Variants in ARHGAP19 observed in about 807,000 individuals in gnomAD.
ARHGAP19 encodes Rho GTPase activating protein 19.
Under a neutral mutation model 60.9 loss-of-function variants are expected in ARHGAP19, and 48 were observed. The observed-to-expected ratio is 0.79, with a 90% confidence interval of 0.62 to 1.00. ARHGAP19 has a LOEUF of 1.00. Ranked by LOEUF, ARHGAP19 falls within the 50% of genes least tolerant of loss-of-function variation. ARHGAP19 has a pLI of 0.00. For missense variants in ARHGAP19, 562 were observed against 597.2 expected, an observed-to-expected ratio of 0.94 and a Z score of 0.61; for synonymous variants, 209 against 215.5, an observed-to-expected ratio of 0.97 and a Z score of 0.27.
At chr10:97,268,541 G>A (rs1242741522) in intron 1 of ARHGAP19, among the ~76,000 whole-genome samples, 2 of 152,166 alleles carry the variant, frequency 1.3e-5, no homozygotes, top group African/African-American at 4.8e-5. Flanking sequence ...AGGTTTAATG[G>A]ACTCACAGTT....
At position 97,265,859 on chromosome 10, in the gene ARHGAP19, C is replaced by A; in HGVS notation, c.322+1G>T. The A allele has an allele frequency of 6.2e-7, 1 of 1,614,074 alleles. No individual in the cohort carries two copies. Among genetic ancestry groups the A allele is most frequent in the African/African-American group, 1.3e-5 (1 of 75,024 alleles). On this transcript the variant is annotated splice_donor_variant, in intron 2 of 11. Transcript: ENST00000358531. LOFTEE classifies it high-confidence loss of function. ...CCACCCTTCACAAACACATCTCCTACCCTTTCGCTTGAGAGACATGAGAGA... is the reference window on the plus strand; with the variant it reads ...CCACCCTTCACAAACACATCTCCTAACCTTTCGCTTGAGAGACATGAGAGA...
intron 1 of ARHGAP19, among the ~76,000 whole-genome samples, chr10:97,271,706 A>T (rs1333082207): frequency 6.6e-6 from 1 of 152,104 alleles, no homozygotes; most frequent in Non-Finnish European, 1.5e-5. Flanking sequence ...TTTTAGACAG[A>T]GTCTCACTCT....
chr10:97,237,761 C>T (rs778204090), intron 8 of ARHGAP19, among the ~76,000 whole-genome samples: 14 of 151,926 alleles, frequency 9.2e-5, no homozygotes, highest in Non-Finnish European at 1.9e-4. Flanking sequence ...ATCCCAGCTA[C>T]TCGGGAGGCT....
intron 1 of ARHGAP19, among the ~76,000 whole-genome samples, chr10:97,272,131 C>T (rs200174816): frequency 1.3e-3 from 114 of 85,590 alleles, no homozygotes; most frequent in African/African-American, 2.1e-3. Context: ...GGAAATATGT[C>T]TTTTTTTTTT....
At chr10:97,284,965 G>A (rs1028717656) in intron 1 of ARHGAP19, among the ~76,000 whole-genome samples, 1 of 149,832 alleles carries the variant, frequency 6.7e-6, no homozygotes, top group Non-Finnish European at 1.5e-5. Flanking sequence ...CCAGGTTCAA[G>A]CGATTCTCCT....
intron 11 of ARHGAP19, among the ~76,000 whole-genome samples, chr10:97,227,011 G>A (rs1274782459): frequency 6.6e-6 from 1 of 152,208 alleles, no homozygotes; most frequent in Non-Finnish European, 1.5e-5. Flanking sequence ...GGGGAAGGAT[G>A]CTCCCAGCAT....
At chr10:97,282,078 G>A (rs1195843854) in intron 1 of ARHGAP19, among the ~76,000 whole-genome samples, 2 of 152,092 alleles carry the variant, frequency 1.3e-5, no homozygotes, top group African/African-American at 2.4e-5. Context: ...TTTCCTTTAA[G>A]CAATAAACCT....
chr10:97,252,028 A>G (rs913050330), intron 6 of ARHGAP19, among the ~76,000 whole-genome samples: 2 of 152,006 alleles, frequency 1.3e-5, no homozygotes, highest in Non-Finnish European at 2.9e-5. Context: ...CTGTATATAC[A>G]TTGTAAATCT....
At chr10:97,273,120 G>A (rs10466168) in intron 1 of ARHGAP19, among the ~76,000 whole-genome samples, 3,037 of 152,058 alleles carry the variant, frequency 0.02, 102 homozygotes, top group African/African-American at 0.065. Context: ...GATTACAGGC[G>A]TGAGCCACAG....
chr10:97,260,102 T>C (rs1842809717), intron 4 of ARHGAP19, among the ~76,000 whole-genome samples: 2 of 151,200 alleles, frequency 1.3e-5, no homozygotes, highest in Non-Finnish European at 2.9e-5. Context: ...CCCAAAGTGC[T>C]GGGATTACAG....
At position 97,239,554 on chromosome 10, in the gene ARHGAP19, GT is replaced by G. The variant is rs1564713529; in HGVS notation, c.1186-4240del. 8.3e-3 allele frequency among the ~76,000 whole-genome samples: 82 copies of G among 9,874 alleles called. 4 individuals are homozygous for G. The highest frequency in any genetic ancestry group is 0.026 in the East Asian group (21 of 814). 6.5% of individuals were successfully genotyped at this position (9,874 alleles called of 152,430 possible). On this transcript the variant is annotated intron_variant, in intron 8 of 11. Coordinates refer to ENST00000358531, the MANE Select transcript of ARHGAP19 (RefSeq NM_032900.6). ...GGAGTGAGAGAGAGAGAGAGAGGGTGTGTGTGTGTGTGTGTGTGTGTGTGTG... is the reference window on the plus strand; with the variant it reads ...GGAGTGAGAGAGAGAGAGAGAGGGTGGTGTGTGTGTGTGTGTGTGTGTGTG...
At chr10:97,270,963 G>T (rs1842952989) in intron 1 of ARHGAP19, among the ~76,000 whole-genome samples, 1 of 152,168 alleles carries the variant, frequency 6.6e-6, no homozygotes. Context: ...CAATATGGGG[G>T]AGGGGTGATC....
At chr10:97,251,364 AAGGAAGGGGAATGGAAGGGAAG>A (rs147007424) in intron 6 of ARHGAP19, among the ~76,000 whole-genome samples, 14 of 15,940 alleles carry the variant, frequency 8.8e-4, no homozygotes, top group Non-Finnish European at 1.2e-3. Context: ...GGAAAGGGGA[AAGGAAGGGGAATGGAAGGGAAG>A]GGGAAGGGAA....
At chr10:97,284,377 C>T (rs963100146) in intron 1 of ARHGAP19, among the ~76,000 whole-genome samples, 2 of 152,134 alleles carry the variant, frequency 1.3e-5, no homozygotes, top group Non-Finnish European at 2.9e-5. Flanking sequence ...CCCACCTTGG[C>T]CTCCCAAAGT....
chr10:97,250,858 G>A (rs965145223), intron 6 of ARHGAP19, among the ~76,000 whole-genome samples: 11 of 151,896 alleles, frequency 7.2e-5, no homozygotes, highest in African/African-American at 2.7e-4. Context: ...TTGAGCCCAG[G>A]AGTTCAACAC....
At chr10:97,262,351 C>A (rs1842841460) in intron 4 of ARHGAP19, among the ~76,000 whole-genome samples, 1 of 151,872 alleles carries the variant, frequency 6.6e-6, no homozygotes, top group Non-Finnish European at 1.5e-5. Flanking sequence ...ATTCAGAAAA[C>A]AAATAATAAT....
intron 9 of ARHGAP19, among the ~76,000 whole-genome samples, chr10:97,231,654 G>A (rs1412689379): frequency 6.6e-6 from 1 of 152,074 alleles, no homozygotes; most frequent in African/African-American, 2.4e-5. Context: ...CCTTTTTAAG[G>A]ACAAATAATG....
chr10:97,239,502 A>C (rs1279092573), intron 8 of ARHGAP19, among the ~76,000 whole-genome samples: 1 of 5,024 alleles, frequency 2.0e-4, no homozygotes, highest in Non-Finnish European at 0.014. Context: ...ACTCCGTCTC[A>C]AAAAAAAAAA....
At chr10:97,270,377 A>C (rs746074823) in intron 1 of ARHGAP19, among the ~76,000 whole-genome samples, 5 of 152,200 alleles carry the variant, frequency 3.3e-5, no homozygotes, top group Non-Finnish European at 7.3e-5. Context: ...ACAGCGGGTT[A>C]TTTTTCTTAA....
Sources: allele counts gnomAD v4.1 joint callset (sites outside exome capture counted in the v4.1 genomes callset), GRCh38; gene constraint gnomAD v4.1.1; transcripts MANE v1.5; gene names NCBI Gene and HGNC (gene_info 2026-07-23, HGNC 2026-07-21).